The following SEMA3A variants were observed in gnomAD, a reference collection of about 807,000 sequenced individuals.
SEMA3A encodes the protein semaphorin 3A.
A neutral mutation model predicts 97.9 loss-of-function variants in SEMA3A; 29 were observed. That is an observed-to-expected ratio of 0.30 (90% confidence interval 0.22 to 0.40). The LOEUF (loss-of-function observed/expected upper bound fraction) is 0.40. SEMA3A is among the 10% of genes least tolerant of loss of function. The pLI is 1.00. For synonymous variants in SEMA3A, 321 were observed against 323.7 expected, an observed-to-expected ratio of 0.99 and a Z score of 0.09; for missense variants, 763 against 951.3, an observed-to-expected ratio of 0.80 and a Z score of 2.60.
At chr7:84,134,748 G>C (rs1336798891) in intron 2 of SEMA3A, 46 bp downstream of exon 2, 13 of 1,358,448 alleles carry the variant, frequency 9.6e-6, no homozygotes, top group Non-Finnish European at 1.2e-5. Context: ...TCTATAACTT[G>C]AGATGCTTCA....
intron 6 of SEMA3A, among the ~76,000 whole-genome samples, chr7:84,035,450 CATTG>C (rs1196997397): frequency 2.0e-5 from 3 of 151,862 alleles, no homozygotes; most frequent in African/African-American, 4.8e-5. Context: ...TTGTGTTTAT[CATTG>C]ATTAAGATGA....
intron 15 of SEMA3A, among the ~76,000 whole-genome samples, chr7:83,968,704 G>A (rs1417090605): frequency 6.6e-6 from 1 of 150,816 alleles, no homozygotes; most frequent in Non-Finnish European, 1.5e-5. Context: ...CCAAACAATT[G>A]CAACTCATCT....
chr7:84,329,436 T>A (rs1278188014), intron 2 of SEMA3A, among the ~76,000 whole-genome samples: 1 of 152,000 alleles, frequency 6.6e-6, no homozygotes, highest in Non-Finnish European at 1.5e-5. Context: ...CTATTGTTAG[T>A]GTTAATATAT....
chr7:83,980,704 T>C (rs1789379916), intron 14 of SEMA3A, among the ~76,000 whole-genome samples: 1 of 149,446 alleles, frequency 6.7e-6, no homozygotes. Context: ...ACATATATAT[T>C]GCATATGCAC....
intron 3 of SEMA3A, among the ~76,000 whole-genome samples, chr7:84,224,849 T>C (rs1306766262): frequency 1.3e-5 from 2 of 152,042 alleles, no homozygotes; most frequent in Non-Finnish European, 2.9e-5. Context: ...AACTGATTCA[T>C]TGGTTTTTCC....
intron 3 of SEMA3A, among the ~76,000 whole-genome samples, chr7:84,258,995 C>G (rs901683681): frequency 2.0e-5 from 3 of 151,608 alleles, no homozygotes; most frequent in Middle Eastern, 3.4e-3. Flanking sequence ...GACCAAGAAA[C>G]TTAAGTTCCA....
At chr7:83,993,108 AAG>A (rs1411895657) in intron 12 of SEMA3A, among the ~76,000 whole-genome samples, 65 of 143,324 alleles carry the variant, frequency 4.5e-4, no homozygotes, top group African/African-American at 1.7e-3. Flanking sequence ...TGTTGGTTTC[AAG>A]TCTGTTTTAT....
intron 10 of SEMA3A, among the ~76,000 whole-genome samples, chr7:84,005,844 G>C (rs1164951552): frequency 2.0e-5 from 3 of 152,116 alleles, no homozygotes; most frequent in Non-Finnish European, 4.4e-5. Context: ...AGCTACTTGG[G>C]AGGCTGAGGT....
intron 1 of SEMA3A, among the ~76,000 whole-genome samples, chr7:84,432,311 T>C (rs551744467): frequency 5.3e-5 from 8 of 152,142 alleles, no homozygotes; most frequent in Non-Finnish European, 1.2e-4. Context: ...CTATAAATCA[T>C]TTAGTTTTTT....
chr7:83,963,143 C>A, intron 16 of SEMA3A, 62 bp downstream of exon 16: 2 of 1,562,706 alleles, frequency 1.3e-6, no homozygotes, highest in Admixed American at 3.4e-5. Flanking sequence ...GTGAAAAATA[C>A]AAGGATTACA....
chr7:84,265,901 AC>A (rs1418911780), intron 3 of SEMA3A, among the ~76,000 whole-genome samples: 1 of 152,194 alleles, frequency 6.6e-6, no homozygotes, highest in Non-Finnish European at 1.5e-5. Flanking sequence ...TTACTGAGAA[AC>A]AATGCTAGAA....
chr7:84,360,623 C>T (rs1458474758), intron 2 of SEMA3A, among the ~76,000 whole-genome samples: 1 of 151,830 alleles, frequency 6.6e-6, no homozygotes, highest in Admixed American at 6.6e-5. Context: ...TTTTACTTAC[C>T]CAAAGCCTTG....
At chr7:84,431,088 CAA>C (rs1365766856) in intron 1 of SEMA3A, among the ~76,000 whole-genome samples, 5 of 151,852 alleles carry the variant, frequency 3.3e-5, no homozygotes, top group East Asian at 1.9e-4. Context: ...ATTATTTTCC[CAA>C]GAGTCACTTG....
At chr7:84,125,184 TTAAC>T (rs1250975717) in intron 3 of SEMA3A, among the ~76,000 whole-genome samples, 4 of 152,182 alleles carry the variant, frequency 2.6e-5, no homozygotes, top group Non-Finnish European at 4.4e-5. Flanking sequence ...AATTAATTAA[TTAAC>T]TGATTTTTGA....
intron 2 of SEMA3A, among the ~76,000 whole-genome samples, chr7:84,333,375 A>G (rs998304494): frequency 2.6e-5 from 4 of 152,022 alleles, no homozygotes; most frequent in Non-Finnish European, 5.9e-5. Flanking sequence ...GATATCGAAG[A>G]TTTTCTACAA....
chr7:84,471,799 A>G (rs1806159163), intron 1 of SEMA3A, among the ~76,000 whole-genome samples: 1 of 152,140 alleles, frequency 6.6e-6, no homozygotes, highest in South Asian at 2.1e-4. Flanking sequence ...CTAGGGAAAC[A>G]TACTTTTATA....
At chr7:84,383,218 T>A (rs973402129) in intron 1 of SEMA3A, among the ~76,000 whole-genome samples, 6 of 151,966 alleles carry the variant, frequency 3.9e-5, no homozygotes, top group African/African-American at 1.2e-4. Flanking sequence ...AATTGAAAAA[T>A]AATGAATGAT....
chr7:84,006,837 G>A (rs2116400739), intron 10 of SEMA3A, among the ~76,000 whole-genome samples: 1 of 151,972 alleles, frequency 6.6e-6, no homozygotes, highest in East Asian at 1.9e-4. Context: ...AATGGGATGA[G>A]TATATATAAA....
intron 4 of SEMA3A, among the ~76,000 whole-genome samples, chr7:84,079,112 A>C (rs111621614): frequency 0.13 from 19,186 of 152,146 alleles, 1,279 homozygotes; most frequent in South Asian, 0.15. Flanking sequence ...AACAATTATA[A>C]TTACATTATC....
Sources: gnomAD v4.1 joint callset for allele counts (sites outside exome capture counted in the v4.1 genomes callset) on GRCh38, gnomAD v4.1.1 for gene constraint, MANE v1.5 for transcripts, NCBI Gene and HGNC (gene_info 2026-07-23, HGNC 2026-07-21) for gene names.